SPEF2: variants seen among roughly 807,000 people sequenced by gnomAD.
SPEF2 encodes the protein sperm flagella and cilia-associated protein 2.
A neutral mutation model predicts 224.6 loss-of-function variants in SPEF2; 187 were observed. That is an observed-to-expected ratio of 0.83 (90% CI 0.74 to 0.94). The LOEUF is 0.94. SPEF2 is among the 40% of genes least tolerant of loss of function. SPEF2 has a pLI of 0.00. For missense variants in SPEF2, 2,170 were observed against 2,135.6 expected (o/e 1.02, Z -0.32); for synonymous variants, 715 against 707.3 (o/e 1.01, Z -0.17).
At chr5:35,675,392 AGT>A (rs1173151873) in intron 10 of SPEF2, among the ~76,000 whole-genome samples, 2 of 152,234 alleles carry the variant, frequency 1.3e-5, no homozygotes, top group Non-Finnish European at 2.9e-5. Context: ...AGTTTTTAAG[AGT>A]GTGCCATTTC....
At position 35,644,234 on chromosome 5, in the gene SPEF2, T is replaced by G. The variant is rs2035994; in HGVS notation, c.415-121T>G. ...AATTGGAATGGGGTTTGAATTTAGC[T>G]TAACTATCAACAATAGTAATTTAAA... On this transcript the variant is annotated intron_variant, in intron 3 of 36. Coordinates refer to ENST00000356031, the MANE Select transcript of SPEF2 (RefSeq NM_024867.4). 458,774 of 808,450 alleles carry G rather than the reference T, an allele frequency of 0.57. 133,198 individuals are homozygous for G. The highest frequency in any genetic ancestry group is 0.77 in the East Asian group (26,271 of 34,294). 50.1% of individuals were successfully genotyped at this position (808,450 alleles called of 1,614,324 possible). A position where few individuals can be genotyped will look rare whatever the true frequency, so the allele number is the denominator to read the frequency against.
At chr5:35,707,944 A>G (rs1049027672) in intron 18 of SPEF2, among the ~76,000 whole-genome samples, 2 of 152,006 alleles carry the variant, frequency 1.3e-5, no homozygotes, top group African/African-American at 2.4e-5. Context: ...TTTCCATAGC[A>G]CTTATCACCA....
intron 8 of SPEF2, among the ~76,000 whole-genome samples, chr5:35,664,003 C>T (rs1460571923): frequency 6.6e-6 from 1 of 152,122 alleles, no homozygotes; most frequent in African/African-American, 2.4e-5. Context: ...GTTCTGGCCA[C>T]ATTGGTTTGC....
rs1240164020 is a variant in SPEF2 at position 35,759,628 on chromosome 5, G to A, written c.3529G>A (p.Glu1177Lys). The change falls in exon 25 of 37, where the codon GAA becomes AAA. Residue 1177 changes from glutamate (E) to lysine (K), a missense_variant. Coordinates refer to ENST00000356031, the MANE Select transcript of SPEF2 (RefSeq NM_024867.4). Reference sequence around the variant, plus strand: ...CCTTCAAGATTATTACTGGGGAATGGAAAGTAAAATCCCAGTAGAGGACAA... The same window carrying A: ...CCTTCAAGATTATTACTGGGGAATGAAAAGTAAAATCCCAGTAGAGGACAA... ...RLLQDYYWGM[E>K]SKIPVEDNKR... The A allele has an allele frequency of 1.2e-6, 2 of 1,611,902 alleles. No individual in the cohort carries two copies. Among genetic ancestry groups the A allele is most frequent in the Admixed American group, 1.7e-5 (1 of 59,964 alleles).
intron 4 of SPEF2, 40 bp downstream of exon 4, chr5:35,644,565 AG>A: frequency 1.3e-6 from 2 of 1,490,518 alleles, no homozygotes; most frequent in Non-Finnish European, 9.0e-7. Context: ...ATTAGTGCAT[AG>A]TATACAGTTT....
chr5:35,790,339 G>T (rs771800546), intron 30 of SPEF2: 2 of 543,546 alleles, frequency 3.7e-6, no homozygotes, highest in Non-Finnish European at 6.5e-6. Flanking sequence ...AATTCAGATT[G>T]CTCATCAAAC....
chr5:35,707,054 A>C (rs1341339834), intron 18 of SPEF2, among the ~76,000 whole-genome samples: 3 of 152,198 alleles, frequency 2.0e-5, no homozygotes, highest in Non-Finnish European at 4.4e-5. Context: ...AGACTCAGTT[A>C]TCACTTAAGA....
intron 16 of SPEF2, among the ~76,000 whole-genome samples, chr5:35,703,846 C>A (rs916766951): frequency 6.6e-6 from 1 of 152,168 alleles, no homozygotes; most frequent in African/African-American, 2.4e-5. Context: ...ATTACTATAT[C>A]CTGTGAGGGT....
At chr5:35,741,387 A>G (rs1747614992) in intron 23 of SPEF2, among the ~76,000 whole-genome samples, 1 of 152,232 alleles carries the variant, frequency 6.6e-6, no homozygotes, top group Admixed American at 6.5e-5. Context: ...ATATGAAAGC[A>G]AGAGCGATGG....
In SPEF2 at chr5:35,700,771, T is replaced by C. The variant is rs950627212; in HGVS notation, c.2398+19T>C. ...ATTATAGGTAAGCTGGACACCTTTT[T>C]TGACACTCTTTTTACAATGAAAACT... is the stretch of plus-strand genomic sequence containing the variant. On this transcript the variant is annotated intron_variant, in intron 16 of 36. Coordinates refer to ENST00000356031, the MANE Select transcript of SPEF2 (RefSeq NM_024867.4). 8 of 1,610,330 alleles carry C rather than the reference T, an allele frequency of 5.0e-6. No individual in the cohort carries two copies. Among genetic ancestry groups the C allele is most frequent in the Non-Finnish European group, 6.8e-6 (8 of 1,177,814 alleles).
intron 10 of SPEF2, among the ~76,000 whole-genome samples, chr5:35,690,578 A>C (rs1754301471): frequency 6.6e-6 from 1 of 152,162 alleles, no homozygotes; most frequent in Admixed American, 6.5e-5. Context: ...TCATTTGATC[A>C]TTTCATCAAG....
intron 7 of SPEF2, among the ~76,000 whole-genome samples, chr5:35,657,775 A>G (rs969298969): frequency 6.6e-6 from 1 of 152,166 alleles, no homozygotes; most frequent in African/African-American, 2.4e-5. Flanking sequence ...TTGTGGTCAT[A>G]TGGCTAGTGT....
chr5:35,669,994 A>G (rs1751005811), intron 9 of SPEF2, 65 bp from the exon 10 acceptor site: 5 of 1,252,496 alleles, frequency 4.0e-6, no homozygotes, highest in East Asian at 4.8e-5. Context: ...TAATAAAAAT[A>G]CCAATGTTTA....
intron 30 of SPEF2, among the ~76,000 whole-genome samples, chr5:35,779,616 G>A (rs1204206049): frequency 1.3e-5 from 2 of 152,172 alleles, no homozygotes; most frequent in African/African-American, 2.4e-5. Flanking sequence ...TTGCTGACAA[G>A]TTTGTATATT....
intron 5 of SPEF2, 101 bp downstream of exon 5, chr5:35,646,908 T>G: frequency 2.3e-6 from 3 of 1,278,898 alleles, no homozygotes; most frequent in Non-Finnish European, 3.2e-6. Flanking sequence ...CACATTTGCT[T>G]TCCAAATTAT....
chr5:35,704,751 A>G (rs1739398413), intron 17 of SPEF2, 89 bp downstream of exon 17: 3 of 783,082 alleles, frequency 3.8e-6, no homozygotes, highest in African/African-American at 3.5e-5. Flanking sequence ...CTAGAAGAAT[A>G]TCTATTTCTT....
At chr5:35,798,873 AG>A (rs1365919095) in intron 33 of SPEF2, among the ~76,000 whole-genome samples, 1 of 152,202 alleles carries the variant, frequency 6.6e-6, no homozygotes, top group East Asian at 1.9e-4. Context: ...CTGGGATTAC[AG>A]ACATGAGCCA....
rs537763876 is a variant in SPEF2, at chr5:35,705,838, T to G, written c.2665+30T>G. 6.6e-6 allele frequency: 9 copies of G among 1,358,992 alleles called. No homozygotes were observed. The South Asian group carries it at 1.2e-4, about 17-fold the overall frequency. 84.2% of individuals were successfully genotyped at this position (1,358,992 alleles called of 1,614,324 possible). The stretch of plus-strand genomic sequence containing the variant: ...TTACATTTGTTTATAGTTTTGAGTT[T>G]AGGCAACTAAAATGTGTGGTTTTTA... On this transcript the variant is annotated intron_variant, in intron 18 of 36. Coordinates refer to ENST00000356031, the MANE Select transcript of SPEF2 (RefSeq NM_024867.4).
intron 20 of SPEF2, among the ~76,000 whole-genome samples, chr5:35,721,875 T>C (rs1341507874): frequency 6.6e-6 from 1 of 152,140 alleles, no homozygotes; most frequent in Non-Finnish European, 1.5e-5. Context: ...GCCAAGTGGT[T>C]ATGCCCCTAG....
Sources: gnomAD v4.1 joint callset for allele counts (sites outside exome capture counted in the v4.1 genomes callset) on GRCh38, gnomAD v4.1.1 for gene constraint, MANE v1.5 for transcripts, NCBI Gene and HGNC (gene_info 2026-07-23, HGNC 2026-07-21) for gene names.